The following NFKB1 variants were observed in gnomAD, a reference collection of about 807,000 sequenced individuals.
NFKB1 encodes nuclear factor kappa B subunit 1, also known as nuclear factor NF-kappa-B p105 subunit.
In NFKB1, 9 loss-of-function variants were observed where a neutral mutation model predicts 105.1. The observed-to-expected ratio is 0.09, with a 90% CI of 0.05 to 0.15. NFKB1 has a LOEUF of 0.15. Ranked by LOEUF, NFKB1 falls within the 10% of genes least tolerant of loss-of-function variation. The pLI is 1.00. For missense variants in NFKB1, 830 were observed against 1,203.7 expected, an observed-to-expected ratio of 0.69 and a Z score of 4.59; for synonymous variants, 440 against 442.2, an observed-to-expected ratio of 1.00 and a Z score of 0.06.
At chr4:102,550,288 T>C (rs1722475353) in intron 5 of NFKB1, among the ~76,000 whole-genome samples, 1 of 152,142 alleles carries the variant, frequency 6.6e-6, no homozygotes, top group African/African-American at 2.4e-5. Flanking sequence ...TAAGCTATTC[T>C]AGGTTCACCC....
chr4:102,525,322 A>G (rs985966240), intron 1 of NFKB1, among the ~76,000 whole-genome samples, 190 bp from the exon 2 acceptor site: 2 of 152,186 alleles, frequency 1.3e-5, no homozygotes, highest in Non-Finnish European at 2.9e-5. Context: ...AGATTATGCA[A>G]TCTCCTTGCT....
chr4:102,592,627 T>A (rs898106069), intron 11 of NFKB1, among the ~76,000 whole-genome samples: 1 of 152,212 alleles, frequency 6.6e-6, no homozygotes, highest in Non-Finnish European at 1.5e-5. Flanking sequence ...GTAAACATAA[T>A]TTTTTTGTGT....
intron 5 of NFKB1, among the ~76,000 whole-genome samples, chr4:102,554,481 A>G (rs1722836533): frequency 6.6e-6 from 1 of 152,206 alleles, no homozygotes; most frequent in African/African-American, 2.4e-5. Context: ...AGCACAGTTT[A>G]TTCAGACTCT....
intron 3 of NFKB1, among the ~76,000 whole-genome samples, chr4:102,530,514 A>C (rs374321278): frequency 6.6e-5 from 10 of 152,130 alleles, no homozygotes; most frequent in African/African-American, 2.4e-4. Flanking sequence ...ATTTATTTGT[A>C]TGTAAGCTTG....
At chr4:102,558,947 C>G (rs777711496) in intron 5 of NFKB1, among the ~76,000 whole-genome samples, 1 of 152,092 alleles carries the variant, frequency 6.6e-6, no homozygotes, top group Admixed American at 6.5e-5. Context: ...ATTAGGGGGT[C>G]AAAGTTTTGG....
intron 16 of NFKB1, 79 bp downstream of exon 16, chr4:102,601,088 AT>A (rs1727105196): frequency 2.3e-6 from 2 of 860,912 alleles, no homozygotes; most frequent in Non-Finnish European, 3.8e-6. Context: ...GGTGCATGTT[AT>A]TTTTAGTAAT....
At chr4:102,517,199 G>T (rs1358634325) in intron 1 of NFKB1, among the ~76,000 whole-genome samples, 1 of 152,036 alleles carries the variant, frequency 6.6e-6, no homozygotes, top group Non-Finnish European at 1.5e-5. Context: ...CTCTCTTTGG[G>T]CTCTCCCTGT....
intron 13 of NFKB1, 25 bp downstream of exon 13, chr4:102,595,006 C>A (rs1187573604): frequency 2.7e-6 from 4 of 1,476,424 alleles, no homozygotes; most frequent in South Asian, 2.4e-5. Flanking sequence ...GTTCTTAATA[C>A]CAAGAAAGGA....
Position 102,582,763 on chromosome 4 carries a change from AATAG to A in NFKB1, c.836-98_836-95del, listed in dbSNP as rs796793268. On this transcript the variant is annotated intron_variant, in intron 9 of 23. Coordinates refer to ENST00000226574, the MANE Select transcript of NFKB1 (RefSeq NM_003998.4). Reference sequence around the variant, plus strand: ...TTTGATCTTGTTTTTTAAAAGTGTAAATAGATAGTAGGTAGAATATTAAACCAGT... The same window carrying A: ...TTTGATCTTGTTTTTTAAAAGTGTAAATAGTAGGTAGAATATTAAACCAGT... The A allele has an allele frequency of 1.0e-4, 66 of 660,432 alleles. 1 individual carries two copies. Among genetic ancestry groups the A allele is most frequent in the African/African-American group, 6.0e-4 (33 of 54,852 alleles). 40.9% of individuals were successfully genotyped at this position (660,432 alleles called of 1,614,324 possible). A position where few individuals can be genotyped will look rare whatever the true frequency, so the allele number is the denominator to read the frequency against.
In NFKB1 at chr4:102,585,135, C is replaced by T. The variant is rs374026164; in HGVS notation, c.1066+315C>T. Among the ~76,000 whole-genome samples the T allele has an allele frequency of 2.4e-3, 363 of 152,168 alleles. 1 individual carries two copies. The highest frequency in any genetic ancestry group is 8.3e-3 in the African/African-American group (345 of 41,518). On this transcript the variant is annotated intron_variant, in intron 11 of 23. Coordinates refer to ENST00000226574, the MANE Select transcript of NFKB1 (RefSeq NM_003998.4). Reference sequence around the variant, plus strand: ...AAACTCCTGGCCTTAAGCAGTCCTCCGGCCTTGGCCTCCCAAAGTGCTGGG... The same window carrying T: ...AAACTCCTGGCCTTAAGCAGTCCTCTGGCCTTGGCCTCCCAAAGTGCTGGG...
At chr4:102,610,092 C>T (rs776198218) in intron 19 of NFKB1, among the ~76,000 whole-genome samples, 67 of 152,220 alleles carry the variant, frequency 4.4e-4, no homozygotes, top group Non-Finnish European at 7.8e-4. Flanking sequence ...TTGCTGTACC[C>T]AGCAATGAAA....
chr4:102,536,109 T>C (rs1741618170), intron 4 of NFKB1, among the ~76,000 whole-genome samples: 1 of 152,170 alleles, frequency 6.6e-6, no homozygotes, highest in South Asian at 2.1e-4. Flanking sequence ...TCTATTCTTA[T>C]GGTTAGCTAA....
At chr4:102,594,479 G>C (rs564698926) in intron 12 of NFKB1, among the ~76,000 whole-genome samples, 1 of 152,244 alleles carries the variant, frequency 6.6e-6, no homozygotes, top group African/African-American at 2.4e-5. Flanking sequence ...ATGAACAGTG[G>C]TGGCCATTTT....
intron 5 of NFKB1, among the ~76,000 whole-genome samples, chr4:102,559,767 C>T (rs1723250115): frequency 6.6e-6 from 1 of 151,124 alleles, no homozygotes; most frequent in South Asian, 2.1e-4. Flanking sequence ...CATAGTGAGA[C>T]TCTGTCTATA....
chr4:102,608,077 G>A (rs1727991220), intron 19 of NFKB1, among the ~76,000 whole-genome samples: 2 of 152,130 alleles, frequency 1.3e-5, no homozygotes, highest in South Asian at 2.1e-4. Flanking sequence ...AGTGGTATTA[G>A]TCTCAGATCA....
chr4:102,549,673 T>C (rs1382171184), intron 5 of NFKB1, among the ~76,000 whole-genome samples: 1 of 152,032 alleles, frequency 6.6e-6, no homozygotes. Context: ...ACTTAACATA[T>C]TCACAACTGA....
chr4:102,616,561 T>C lies in NFKB1; in HGVS notation c.2877T>C (p.Tyr959=). 1 of 1,614,114 alleles carries C rather than the reference T, an allele frequency of 6.2e-7. No homozygotes were observed. The highest frequency in any genetic ancestry group is 1.1e-5 in the South Asian group (1 of 91,080). ...CTCTCAACAAAATGCCCCATGATTA[T>C]GGGCAGGAAGGACCTCTAGAAGGCA... ...LLTLNKMPHD[Y]GQEGPLEGKI Residue 959 remains tyrosine (Y), a synonymous_variant, in exon 24 of 24, where the codon TAT becomes TAC. Coordinates refer to ENST00000226574, the MANE Select transcript of NFKB1 (RefSeq NM_003998.4).
chr4:102,570,713 T>C (rs886319875), intron 6 of NFKB1, among the ~76,000 whole-genome samples: 21 of 152,162 alleles, frequency 1.4e-4, no homozygotes, highest in Non-Finnish European at 5.9e-5. Context: ...AGCAAAATCA[T>C]GAGTGAACTC....
intron 1 of NFKB1, among the ~76,000 whole-genome samples, chr4:102,516,981 A>G (rs1410913605): frequency 6.6e-6 from 1 of 152,176 alleles, no homozygotes; most frequent in Non-Finnish European, 1.5e-5. Context: ...TTACAAATTC[A>G]GTGTCTCTCA....
Sources: gnomAD v4.1 joint callset for allele counts (sites outside exome capture counted in the v4.1 genomes callset) on GRCh38, gnomAD v4.1.1 for gene constraint, MANE v1.5 for transcripts, NCBI Gene and HGNC (gene_info 2026-07-23, HGNC 2026-07-21) for gene names.